RBL2: variants seen among roughly 807,000 people sequenced by gnomAD.
RBL2 encodes RB transcriptional corepressor like 2, also known as retinoblastoma-like protein 2.
Under a neutral mutation model 126.0 loss-of-function variants are expected in RBL2, and 56 were observed. The ratio of observed to expected loss-of-function variants is 0.44; its 90% CI spans 0.36 to 0.56. The LOEUF is 0.56. Ranked by LOEUF, RBL2 falls within the 20% of genes least tolerant of loss-of-function variation. The pLI is 0.00. For missense variants in RBL2, 1,229 were observed against 1,398.2 expected (o/e 0.88, Z 1.93); for synonymous variants, 454 against 478.5 (o/e 0.95, Z 0.67).
chr16:53,446,692 A>G (rs1387823009), intron 3 of RBL2, among the ~76,000 whole-genome samples: 1 of 152,232 alleles, frequency 6.6e-6, no homozygotes, highest in African/African-American at 2.4e-5. Flanking sequence ...GAAAAAAATA[A>G]GGACATATCT....
intron 3 of RBL2, among the ~76,000 whole-genome samples, chr16:53,444,955 G>A (rs191073560): frequency 2.5e-4 from 38 of 152,222 alleles, no homozygotes; most frequent in African/African-American, 8.9e-4. Flanking sequence ...TTCTTTCTTT[G>A]GAGTATCTGG....
chr16:53,482,562 C>T (rs1470730185), intron 21 of RBL2, among the ~76,000 whole-genome samples: 2 of 152,300 alleles, frequency 1.3e-5, no homozygotes, highest in Non-Finnish European at 2.9e-5. Context: ...GTAATCCCAA[C>T]ACTTTGGGAG....
chr16:53,461,885 T>C, intron 10 of RBL2, 35 bp downstream of exon 10: 1 of 1,540,926 alleles, frequency 6.5e-7, no homozygotes, highest in Non-Finnish European at 9.0e-7. Context: ...CTTTTATGTT[T>C]GAAGTTTAAC....
In RBL2 at chr16:53,490,515, T is replaced by A; in HGVS notation, c.*215T>A. ...CTGTCTTTTTTTCCCTACCATTCAG[T>A]GATTACTGTCAAGGCTGCTTAGAAT... On this transcript the variant is annotated 3_prime_UTR_variant, in exon 22 of 22. Coordinates refer to ENST00000262133, the MANE Select transcript of RBL2 (RefSeq NM_005611.4). The A allele has an allele frequency of 2.5e-6, 1 of 394,082 alleles. No individual in the cohort carries two copies. The highest frequency in any genetic ancestry group is 4.4e-6 in the Non-Finnish European group (1 of 224,788). The allele number at this position is 394,082 out of a possible 1,614,324, so 24.4% of individuals were successfully genotyped here. A position where few individuals can be genotyped will look rare whatever the true frequency, so the allele number is the denominator to read the frequency against.
intron 9 of RBL2, among the ~76,000 whole-genome samples, chr16:53,461,419 G>A (rs2058219374): frequency 6.6e-6 from 1 of 152,188 alleles, no homozygotes; most frequent in Admixed American, 6.5e-5. Flanking sequence ...TTGAACCTGG[G>A]AGGTGGAGGT....
rs552883242 is a variant in RBL2, at chr16:53,469,856, C to A, written c.1976-60C>A. 5.1e-5 allele frequency: 75 copies of A among 1,474,838 alleles called. No individual in the cohort carries two copies. The African/African-American group carries it at 9.7e-4, about 19-fold the overall frequency. The allele number at this position is 1,474,838 out of a possible 1,614,324, so 91.4% of individuals were successfully genotyped here. ...TTATTTTTTAACATAAGAGCTTGGACGGAAGTCAGATCTGAGTCTCCTTGA... is the reference window on the plus strand; with the variant it reads ...TTATTTTTTAACATAAGAGCTTGGAAGGAAGTCAGATCTGAGTCTCCTTGA... On this transcript the variant is annotated intron_variant, in intron 14 of 21. Coordinates refer to ENST00000262133, the MANE Select transcript of RBL2 (RefSeq NM_005611.4).
At chr16:53,435,756 A>G in intron 1 of RBL2, 1 of 1,285,496 alleles carries the variant, frequency 7.8e-7, no homozygotes, top group South Asian at 1.2e-5. Context: ...TATTATTTAA[A>G]TATGATGTTT....
At chr16:53,466,595 C>T (rs2058274643) in intron 13 of RBL2, among the ~76,000 whole-genome samples, 1 of 151,920 alleles carries the variant, frequency 6.6e-6, no homozygotes, top group Non-Finnish European at 1.5e-5. Flanking sequence ...CTTATGTGTG[C>T]AGTTCACAAT....
At chr16:53,465,819 G>T (rs576098960) in intron 13 of RBL2, 1 of 363,750 alleles carries the variant, frequency 2.7e-6, no homozygotes, top group African/African-American at 2.1e-5. Context: ...TTGGTAAGTA[G>T]ATAACGTTTA....
At chr16:53,468,947 A>G in intron 14 of RBL2, among the ~76,000 whole-genome samples, 1 of 152,176 alleles carries the variant, frequency 6.6e-6, no homozygotes, top group Non-Finnish European at 1.5e-5. Context: ...TTATATATAT[A>G]ACCACAATTT....
intron 2 of RBL2, among the ~76,000 whole-genome samples, chr16:53,439,953 CCAAAAAAAAAAA>C (rs1407580171): frequency 1.7e-5 from 1 of 57,732 alleles, no homozygotes; most frequent in East Asian, 3.2e-4. Context: ...GACCTTGTCT[CCAAAAAAAAAAA>C]AAAAAAAAAA....
rs2057988634 is a variant in RBL2, at chr16:53,439,119, C to G, written c.344C>G (p.Thr115Ser). Residue 115 changes from threonine to serine, a missense_variant, in exon 2 of 22, where the codon ACT becomes AGT. Thr to Ser is a moderately conservative substitution (Grantham distance 58, BLOSUM62 1). Transcript: ENST00000262133. The stretch of plus-strand genomic sequence containing the variant: ...GTGGAAGGAAACTATGTATCTTTAA[C>G]TAGAATCCTGAAATGTTCAGAGCAG... Reference protein sequence around the residue: ...GTVEGNYVSLTRILKCSEQSL... With the variant: ...GTVEGNYVSLSRILKCSEQSL... 6.2e-7 allele frequency: 1 copy of G among 1,605,470 alleles called. No individual in the cohort carries two copies. Among genetic ancestry groups the G allele is most frequent in the Non-Finnish European group, 8.5e-7 (1 of 1,176,354 alleles).
intron 17 of RBL2, among the ~76,000 whole-genome samples, chr16:53,474,304 T>A (rs145021064): frequency 2.4e-5 from 1 of 41,144 alleles, no homozygotes; most frequent in South Asian, 7.4e-4. Context: ...GTAATTCTTT[T>A]ATTTATTTAT....
chr16:53,450,940 CA>C lies in RBL2; in HGVS notation c.638-751del, dbSNP rs762343093. On this transcript the variant is annotated intron_variant, in intron 4 of 21. Coordinates refer to ENST00000262133, the MANE Select transcript of RBL2 (RefSeq NM_005611.4). ...CCTGGGCGACAGTGAGACTCCATCTCAAAAAAAAAAAATGTATATGAGAATA... is the reference window on the plus strand; with the variant it reads ...CCTGGGCGACAGTGAGACTCCATCTCAAAAAAAAAAATGTATATGAGAATA... Among the ~76,000 whole-genome samples, 136 of 138,850 alleles carry C rather than the reference CA, an allele frequency of 9.8e-4. 1 individual carries two copies. Among genetic ancestry groups the C allele is most frequent in the Admixed American group, 1.9e-3 (27 of 13,922 alleles). The allele number at this position is 138,850 out of a possible 152,430, so 91.1% of individuals were successfully genotyped here.
At chr16:53,444,320 A>G (rs1287857850) in intron 3 of RBL2, among the ~76,000 whole-genome samples, 1 of 151,880 alleles carries the variant, frequency 6.6e-6, no homozygotes, top group Admixed American at 6.6e-5. Context: ...TGGGAGGCCA[A>G]GGCGGGTGGA....
chr16:53,448,221 G>T (rs1437771993), intron 4 of RBL2, among the ~76,000 whole-genome samples: 1 of 151,572 alleles, frequency 6.6e-6, no homozygotes, highest in Non-Finnish European at 1.5e-5. Context: ...GCAGTGGTGC[G>T]ATCTCGGCCC....
Position 53,479,992 on chromosome 16 carries a change from G to A in RBL2, c.2881+1G>A. ...CCAACAGAACTAAACAAAGATAGAA[G>A]TAAGTGGGATCTTTGTGAACTACAA... On this transcript the variant is annotated splice_donor_variant, in intron 19 of 21. Coordinates refer to ENST00000262133, the MANE Select transcript of RBL2 (RefSeq NM_005611.4). LOFTEE classifies it high-confidence loss of function. 2 of 1,577,570 alleles carry A rather than the reference G, an allele frequency of 1.3e-6. No individual in the cohort carries two copies. Among genetic ancestry groups the A allele is most frequent in the South Asian group, 1.1e-5 (1 of 87,504 alleles).
chr16:53,451,946 T>C (rs1233400233), intron 5 of RBL2, 115 bp downstream of exon 5: 1 of 1,187,372 alleles, frequency 8.4e-7, no homozygotes, highest in Admixed American at 2.2e-5. Flanking sequence ...TCATTACGGC[T>C]ATCCAGGGTA....
chr16:53,450,644 CAT>C (rs2058106668), intron 4 of RBL2, among the ~76,000 whole-genome samples: 1 of 152,196 alleles, frequency 6.6e-6, no homozygotes, highest in Admixed American at 6.5e-5. Context: ...GCAGAAATTA[CAT>C]GTTTCTGTCA....
Sources: allele counts gnomAD v4.1 joint callset (sites outside exome capture counted in the v4.1 genomes callset), GRCh38; gene constraint gnomAD v4.1.1; transcripts MANE v1.5; gene names NCBI Gene and HGNC (gene_info 2026-07-23, HGNC 2026-07-21).